The following ARMH3 variants were observed in gnomAD, a reference collection of about 807,000 sequenced individuals.
The protein encoded by ARMH3 is armadillo like helical domain containing 3, also known as armadillo-like helical domain-containing protein 3.
Under a neutral mutation model 99.1 loss-of-function variants are expected in ARMH3, and 60 were observed. The ratio of observed to expected loss-of-function variants is 0.61; its 90% CI spans 0.49 to 0.75. The LOEUF (loss-of-function observed/expected upper bound fraction) is 0.75, where lower values mean the gene tolerates loss of function less well. Ranked by LOEUF, ARMH3 falls within the 30% of genes least tolerant of loss-of-function variation. The pLI, the probability that ARMH3 is intolerant of heterozygous loss-of-function variation, is 0.00. For synonymous variants in ARMH3, 285 were observed against 292.8 expected (o/e 0.97, Z 0.27); for missense variants, 679 against 843.1 (o/e 0.81, Z 2.41).
intron 24 of ARMH3, among the ~76,000 whole-genome samples, chr10:101,878,158 T>C (rs1385979472): frequency 1.3e-5 from 2 of 152,040 alleles, no homozygotes; most frequent in Non-Finnish European, 2.9e-5. Flanking sequence ...CTCGGGAGGT[T>C]ACGATAGGAG....
intron 1 of ARMH3, among the ~76,000 whole-genome samples, chr10:102,048,836 T>A (rs1225528146): frequency 6.6e-6 from 1 of 152,160 alleles, no homozygotes; most frequent in Non-Finnish European, 1.5e-5. Flanking sequence ...CAGGGTTTTT[T>A]AAAAAACCTT....
chr10:101,946,071 C>CAAAAAAA lies in ARMH3; in HGVS notation c.1706-6140_1706-6134dup, dbSNP rs569179050. On this transcript the variant is annotated intron_variant, in intron 22 of 25. Coordinates refer to ENST00000370033, the MANE Select transcript of ARMH3 (RefSeq NM_024541.3). ...TGGGCGACAGAGTAAGACTCTGCCT[C>CAAAAAAA]AAAAAAAAAAAAAAAAAAAAAAAAA... is the stretch of plus-strand genomic sequence containing the variant. Among the ~76,000 whole-genome samples, 14 of 34,486 alleles carry CAAAAAAA rather than the reference C, an allele frequency of 4.1e-4. 1 individual carries two copies. The highest frequency in any genetic ancestry group is 1.9e-3 in the African/African-American group (8 of 4,174). 22.6% of individuals were successfully genotyped at this position (34,486 alleles called of 152,430 possible).
intron 19 of ARMH3, among the ~76,000 whole-genome samples, chr10:101,989,217 C>T (rs936583726): frequency 6.6e-6 from 1 of 152,132 alleles, no homozygotes; most frequent in African/African-American, 2.4e-5. Flanking sequence ...AGAAACAAAA[C>T]TCTTAAGGTT....
chr10:101,853,038 C>G lies in ARMH3; in HGVS notation c.1861-3146G>C, dbSNP rs191003711. 8.0e-3 allele frequency among the ~76,000 whole-genome samples: 1,196 copies of G among 150,438 alleles called. 20 individuals are homozygous for G. The highest frequency in any genetic ancestry group is 0.027 in the African/African-American group (1,119 of 41,142). On this transcript the variant is annotated intron_variant, in intron 24 of 25. Coordinates refer to ENST00000370033, the MANE Select transcript of ARMH3 (RefSeq NM_024541.3). ...AGCTGGGATTACAGGCGCCTGCCAC[C>G]ATGCTTGGCTAATTTTTTTTTTTTT...
intron 25 of ARMH3, among the ~76,000 whole-genome samples, chr10:101,848,399 C>T (rs977171330): frequency 2.0e-5 from 3 of 152,172 alleles, no homozygotes; most frequent in African/African-American, 4.8e-5. Context: ...CAAGTCCCTA[C>T]TCTGAGAGGG....
chr10:101,925,819 G>A (rs1473403272), intron 23 of ARMH3, among the ~76,000 whole-genome samples: 44 of 152,154 alleles, frequency 2.9e-4, no homozygotes, highest in Non-Finnish European at 2.9e-5. Context: ...GCTGAGGCAG[G>A]GGAATTGCCT....
chr10:101,930,726 TC>T (rs923610275), intron 23 of ARMH3, among the ~76,000 whole-genome samples: 3 of 152,094 alleles, frequency 2.0e-5, no homozygotes, highest in Non-Finnish European at 2.9e-5. Flanking sequence ...GTGTCTCTGG[TC>T]CCTACTAAGC....
intron 13 of ARMH3, among the ~76,000 whole-genome samples, chr10:102,008,579 G>C (rs2066558030): frequency 6.6e-6 from 1 of 151,460 alleles, no homozygotes. Context: ...TTGAGACAGA[G>C]TCTCACTCTG....
chr10:101,880,898 A>G (rs1427383892), intron 24 of ARMH3, among the ~76,000 whole-genome samples: 1 of 152,172 alleles, frequency 6.6e-6, no homozygotes, highest in Non-Finnish European at 1.5e-5. Flanking sequence ...TGGGAAAATA[A>G]AGCTAGGCAT....
intron 1 of ARMH3, 148 bp downstream of exon 1, chr10:102,055,937 C>G (rs994964319): frequency 2.0e-5 from 3 of 152,502 alleles, no homozygotes; most frequent in Non-Finnish European, 4.4e-5. Flanking sequence ...CAGCCGTCCT[C>G]CCTCCCTCTC....
rs1212366303 is a variant in ARMH3 at position 102,021,442 on chromosome 10, G to C, written c.669+2035C>G. Among the ~76,000 whole-genome samples the C allele has an allele frequency of 3.3e-5, 5 of 150,910 alleles. No homozygotes were observed. In the East Asian group the frequency reaches 9.8e-4, roughly 30 times the overall value. On this transcript the variant is annotated intron_variant, in intron 8 of 25. Coordinates refer to ENST00000370033, the MANE Select transcript of ARMH3 (RefSeq NM_024541.3). ...ATGTCACCCAGACTGGAGTGCAGTG[G>C]TGTAATCATGGCTCACTGTAGCCTC...
At position 102,014,008 on chromosome 10, in the gene ARMH3, A is replaced by G. The variant is rs1432954460; in HGVS notation, c.686T>C (p.Ile229Thr). The G allele has an allele frequency of 6.2e-7, 1 of 1,611,548 alleles. No homozygotes were observed. The highest frequency in any genetic ancestry group is 1.1e-5 in the South Asian group (1 of 90,706). Residue 229 changes from isoleucine to threonine, a missense_variant, in exon 9 of 26, where the codon ATT becomes ACT. Around this residue, in one of 3 missense-constraint regions of ARMH3, gnomAD observed 280 missense variants for 354.6 expected, o/e 0.79. Coordinates refer to ENST00000370033, the MANE Select transcript of ARMH3 (RefSeq NM_024541.3). ...YRKYESVNPY[I>T]VKLSIVDDEA... ...ATCATCCACGATAGACAGCTTCACA[A>G]TATAAGGATTCACAGACTGTTAAAT...
chr10:102,006,474 G>T, intron 14 of ARMH3, 66 bp downstream of exon 14: 1 of 1,529,964 alleles, frequency 6.5e-7, no homozygotes, highest in Non-Finnish European at 9.0e-7. Flanking sequence ...GTTGAACACA[G>T]CTATGCTCAC....
intron 18 of ARMH3, among the ~76,000 whole-genome samples, chr10:101,991,206 G>A (rs980534763): frequency 6.6e-6 from 1 of 152,186 alleles, no homozygotes; most frequent in Non-Finnish European, 1.5e-5. Flanking sequence ...CTAATTCCCT[G>A]AGGAAAATGC....
chr10:101,945,852 G>A (rs1844494552), intron 22 of ARMH3, among the ~76,000 whole-genome samples: 1 of 151,748 alleles, frequency 6.6e-6, no homozygotes, highest in Admixed American at 6.6e-5. Flanking sequence ...AGAGGCCAAG[G>A]TGGGCAGATC....
intron 8 of ARMH3, among the ~76,000 whole-genome samples, chr10:102,015,089 A>G (rs1441067714): frequency 6.6e-6 from 1 of 152,156 alleles, no homozygotes; most frequent in African/African-American, 2.4e-5. Flanking sequence ...AACAGCCCAA[A>G]TGTTTATAAG....
chr10:101,954,947 C>A (rs1564790227), intron 22 of ARMH3, among the ~76,000 whole-genome samples: 1 of 152,124 alleles, frequency 6.6e-6, no homozygotes, highest in South Asian at 2.1e-4. Flanking sequence ...GTATGTCAGA[C>A]TTTTATAAAA....
intron 12 of ARMH3, 128 bp from the exon 13 acceptor site, chr10:102,009,577 C>T (rs1206216403): frequency 2.3e-6 from 2 of 856,410 alleles, no homozygotes; most frequent in Non-Finnish European, 3.7e-6. Context: ...TCTAAAGTTC[C>T]CCTTTACTTG....
chr10:102,047,185 AT>A (rs201471277), intron 1 of ARMH3, among the ~76,000 whole-genome samples: 6 of 151,562 alleles, frequency 4.0e-5, no homozygotes, highest in African/African-American at 1.5e-4. Flanking sequence ...GATTTAATTG[AT>A]TTTTTTTTAA....
Sources: allele counts gnomAD v4.1 joint callset (sites outside exome capture counted in the v4.1 genomes callset), GRCh38; gene constraint gnomAD v4.1.1; regional missense constraint gnomAD v4.1.1; transcripts MANE v1.5; gene names NCBI Gene and HGNC (gene_info 2026-07-23, HGNC 2026-07-21).